TRAPPC10: variants seen among roughly 807,000 people sequenced by gnomAD.
TRAPPC10 encodes trafficking protein particle complex subunit 10, also known as TRAPP 130 kDa subunit.
Under a neutral mutation model 125.5 loss-of-function variants are expected in TRAPPC10, and 23 were observed. That is an observed-to-expected ratio of 0.18 (90% CI 0.13 to 0.26). TRAPPC10 has a LOEUF of 0.26. Ranked by LOEUF, TRAPPC10 falls within the 10% of genes least tolerant of loss-of-function variation. The pLI, the probability that TRAPPC10 is intolerant of heterozygous loss-of-function variation, is 1.00. For missense variants in TRAPPC10, 1,123 were observed against 1,308.4 expected (o/e 0.86, Z 2.19); for synonymous variants, 509 against 518.0 (o/e 0.98, Z 0.24).
At chr21:44,085,628 G>A (rs1236274700) in intron 15 of TRAPPC10, among the ~76,000 whole-genome samples, 3 of 151,958 alleles carry the variant, frequency 2.0e-5, no homozygotes, top group African/African-American at 7.3e-5. Context: ...AGCCTCCTGA[G>A]CCCAGGAGTT....
At chr21:44,020,144 A>G (rs373874003) in intron 1 of TRAPPC10, among the ~76,000 whole-genome samples, 2 of 146,592 alleles carry the variant, frequency 1.4e-5, no homozygotes, top group African/African-American at 5.1e-5. Flanking sequence ...TTTTTGAGAC[A>G]GAGTCTCGCT....
chr21:44,083,379 G>A (rs1169860781), intron 14 of TRAPPC10, 77 bp downstream of exon 14: 2 of 1,511,714 alleles, frequency 1.3e-6, no homozygotes, highest in Non-Finnish European at 1.8e-6. Flanking sequence ...TGTCTGGAGT[G>A]TGCTGTGAAT....
intron 5 of TRAPPC10, among the ~76,000 whole-genome samples, chr21:44,057,155 T>C (rs1340737700): frequency 1.3e-5 from 2 of 152,106 alleles, no homozygotes; most frequent in Non-Finnish European, 2.9e-5. Flanking sequence ...GAATGGGGGC[T>C]GCCAGGGGCT....
chr21:44,073,849 G>A lies in TRAPPC10; in HGVS notation c.1039-475G>A, dbSNP rs17004625. Among the ~76,000 whole-genome samples, 3 of 152,104 alleles carry A rather than the reference G, an allele frequency of 2.0e-5. 1 individual carries two copies. The highest frequency in any genetic ancestry group is 2.0e-4 in the Admixed American group (3 of 15,274). ...GTATTCAGTTTCTGCTGTTGAACGT[G>A]ATCTTTCTTAAATGTGACCAAGCAG... On this transcript the variant is annotated intron_variant, in intron 7 of 22. Transcript: ENST00000291574.
At chr21:44,061,671 A>G (rs1179237786) in intron 6 of TRAPPC10, among the ~76,000 whole-genome samples, 2 of 152,246 alleles carry the variant, frequency 1.3e-5, no homozygotes, top group Admixed American at 1.3e-4. Context: ...ACATTAGTTG[A>G]AAATATTAAA....
intron 1 of TRAPPC10, among the ~76,000 whole-genome samples, chr21:44,016,701 C>T (rs1372591493): frequency 1.3e-5 from 2 of 152,088 alleles, no homozygotes; most frequent in East Asian, 3.8e-4. Flanking sequence ...CTTTGTTGCC[C>T]AGGCTGGAGT....
chr21:44,050,911 A>T (rs1471351207), intron 3 of TRAPPC10, among the ~76,000 whole-genome samples: 1 of 150,554 alleles, frequency 6.6e-6, no homozygotes, highest in Non-Finnish European at 1.5e-5. Context: ...AGGATTTAAT[A>T]TTTTTTTTTT....
chr21:44,093,995 C>T (rs888458540), intron 19 of TRAPPC10, 68 bp from the exon 20 acceptor site: 122 of 1,510,724 alleles, frequency 8.1e-5, no homozygotes, highest in Non-Finnish European at 1.1e-4. Context: ...GTGTGTTTCG[C>T]TGCAGTGTCT....
chr21:44,083,431 G>C (rs2037902394), intron 14 of TRAPPC10, 129 bp downstream of exon 14: 1 of 1,037,812 alleles, frequency 9.6e-7, no homozygotes, highest in Admixed American at 2.5e-5. Context: ...TTTTGTCTCT[G>C]TCCTTATACA....
intron 7 of TRAPPC10, among the ~76,000 whole-genome samples, chr21:44,067,755 G>C (rs1271642053): frequency 6.6e-6 from 1 of 152,090 alleles, no homozygotes; most frequent in African/African-American, 2.4e-5. Flanking sequence ...AGGTCAGCTT[G>C]GTAAACATTT....
At position 44,063,315 on chromosome 21, in the gene TRAPPC10, G is replaced by C; in HGVS notation, c.791-223G>C. The C allele has an allele frequency of 8.6e-7, 1 of 1,168,260 alleles. No homozygotes were observed. The highest frequency in any genetic ancestry group is 1.1e-6 in the Non-Finnish European group (1 of 870,498). 72.4% of individuals were successfully genotyped at this position (1,168,260 alleles called of 1,614,324 possible). ...TTCAGCTCCCGCCCATGACTTTCTG[G>C]GCATGGTAGGGTGGTGTGCCTTGTT... On this transcript the variant is annotated intron_variant, in intron 6 of 22. Coordinates refer to ENST00000291574, the MANE Select transcript of TRAPPC10 (RefSeq NM_003274.5). This position sits in a 1 kb window ranked among gnomAD's most constrained non-coding sequence, Gnocchi z 4.4.
At chr21:44,058,555 G>A (rs2035785744) in intron 5 of TRAPPC10, among the ~76,000 whole-genome samples, 1 of 152,256 alleles carries the variant, frequency 6.6e-6, no homozygotes. Flanking sequence ...GTTTCCATGT[G>A]TAAGCCTGAG....
chr21:44,059,337 A>G lies in TRAPPC10; in HGVS notation c.790+123A>G, dbSNP rs1601698748. 1 of 695,524 alleles carries G rather than the reference A, an allele frequency of 1.4e-6. No homozygotes were observed. The highest frequency in any genetic ancestry group is 2.5e-6 in the Non-Finnish European group (1 of 392,626). 43.1% of individuals were successfully genotyped at this position (695,524 alleles called of 1,614,324 possible). On this transcript the variant is annotated intron_variant, in intron 6 of 22. Coordinates refer to ENST00000291574, the MANE Select transcript of TRAPPC10 (RefSeq NM_003274.5). The surrounding 1 kb of genome is among the most constrained non-coding windows in gnomAD (Gnocchi z 4.4). ...GCATGTTTTGTTGTTGTCTTTATAC[A>G]CATTATATCGGATATATTCTCGTGA...
At chr21:44,019,683 A>G (rs2032277291) in intron 1 of TRAPPC10, among the ~76,000 whole-genome samples, 1 of 152,132 alleles carries the variant, frequency 6.6e-6, no homozygotes, top group Non-Finnish European at 1.5e-5. Context: ...CCTGAACTTA[A>G]TTAAGTCTAC....
intron 1 of TRAPPC10, among the ~76,000 whole-genome samples, chr21:44,012,871 G>C (rs2031307562): frequency 6.6e-6 from 1 of 151,920 alleles, no homozygotes; most frequent in Admixed American, 6.6e-5. Flanking sequence ...AGCGGGGGCT[G>C]CCACCGCCCC....
At position 44,091,908 on chromosome 21, in the gene TRAPPC10, G is replaced by A. The variant is rs752310039; in HGVS notation, c.2871-15G>A. On this transcript the variant is annotated splice_polypyrimidine_tract_variant and intron_variant, in intron 18 of 22. Coordinates refer to ENST00000291574, the MANE Select transcript of TRAPPC10 (RefSeq NM_003274.5). ...CTTACATATCAAAATAATACTTTTT[G>A]TTTTTCCACTTTAGGAAATATGTTC... 2.5e-6 allele frequency: 4 copies of A among 1,610,946 alleles called. No homozygotes were observed. The highest frequency in any genetic ancestry group is 3.4e-6 in the Non-Finnish European group (4 of 1,178,778).
intron 12 of TRAPPC10, 89 bp downstream of exon 12, chr21:44,079,793 T>G: frequency 7.1e-7 from 1 of 1,412,824 alleles, no homozygotes; most frequent in Non-Finnish European, 9.7e-7. Context: ...TCACACCTAT[T>G]ATTAAGGAGA....
At chr21:44,026,394 A>G (rs555010504) in intron 1 of TRAPPC10, among the ~76,000 whole-genome samples, 1 of 152,304 alleles carries the variant, frequency 6.6e-6, no homozygotes, top group Non-Finnish European at 1.5e-5. Context: ...TACTTTATGC[A>G]TTATTGAACA....
chr21:44,054,329 A>G (rs2035423160), intron 4 of TRAPPC10, among the ~76,000 whole-genome samples: 1 of 152,216 alleles, frequency 6.6e-6, no homozygotes, highest in Non-Finnish European at 1.5e-5. Context: ...ATGGTGGAAC[A>G]TGTAGAGTGT....
Sources: gnomAD v4.1 joint callset for allele counts (sites outside exome capture counted in the v4.1 genomes callset) on GRCh38, gnomAD v4.1.1 for gene constraint, Gnocchi (gnomAD v3.1) non-coding constraint, MANE v1.5 for transcripts, NCBI Gene and HGNC (gene_info 2026-07-23, HGNC 2026-07-21) for gene names.